MME: variants seen among roughly 807,000 people sequenced by gnomAD.
The protein encoded by MME is neprilysin.
MME carries 98 observed loss-of-function variants against 113.2 expected under a neutral mutation model. That is an observed-to-expected ratio of 0.87 (90% CI 0.74 to 1.02). The LOEUF is 1.02. Among genes scored for constraint, MME ranks in the 50% least tolerant of loss-of-function variants. MME has a pLI of 0.00. For missense variants in MME, 836 were observed against 896.0 expected (o/e 0.93, Z 0.86); for synonymous variants, 292 against 300.6 (o/e 0.97, Z 0.30).
At chr3:155,151,085 T>A (rs1320381085) in intron 16 of MME, among the ~76,000 whole-genome samples, 1 of 151,996 alleles carries the variant, frequency 6.6e-6, no homozygotes, top group African/African-American at 2.4e-5. Context: ...AAAAAAAAAA[T>A]GTAATAAAGT....
At chr3:155,147,318 A>G (rs1721597329) in intron 15 of MME, 94 bp downstream of exon 15, 1 of 789,538 alleles carries the variant, frequency 1.3e-6, no homozygotes, top group Admixed American at 1.8e-5. Flanking sequence ...TATATGAAGT[A>G]GCCTGAAACC....
At chr3:155,107,742 A>C (rs1717809047) in intron 3 of MME, among the ~76,000 whole-genome samples, 1 of 152,196 alleles carries the variant, frequency 6.6e-6, no homozygotes, top group Admixed American at 6.5e-5. Flanking sequence ...TGGTGAAAAA[A>C]CTTTGAGTCT....
intron 1 of MME, chr3:155,024,398 T>C (rs559707637): frequency 6.6e-6 from 1 of 152,364 alleles, no homozygotes; most frequent in Admixed American, 6.5e-5. Context: ...GAATCTTATC[T>C]ACACTGATAT....
intron 16 of MME, 31 bp from the exon 17 acceptor site, chr3:155,160,359 C>T (rs766696029): frequency 1.4e-6 from 2 of 1,454,980 alleles, no homozygotes; most frequent in Non-Finnish European, 1.9e-6. Flanking sequence ...AATGCAGTAT[C>T]ATTTGTAAAG....
intron 3 of MME, among the ~76,000 whole-genome samples, chr3:155,087,343 G>A (rs1244202326): frequency 1.3e-5 from 2 of 151,112 alleles, no homozygotes; most frequent in East Asian, 3.9e-4. Context: ...TGTGGGGAGC[G>A]TGAGGGAGAC....
chr3:155,040,203 T>C (rs1284947084), intron 1 of MME, among the ~76,000 whole-genome samples: 3 of 152,164 alleles, frequency 2.0e-5, no homozygotes, highest in African/African-American at 7.2e-5. Flanking sequence ...ACTCTTGACA[T>C]TTTATGGTCA....
In MME at chr3:155,180,462, T is replaced by A; in HGVS notation, c.*3T>A. On this transcript the variant is annotated 3_prime_UTR_variant, in exon 23 of 23. Transcript: ENST00000360490. ...AAAAGAAGTGCCGGGTTTGGTGATC[T>A]TCAAAAGAAGCATTGCAGCCCTTGG... 1 of 1,610,466 alleles carries A rather than the reference T, an allele frequency of 6.2e-7. No homozygotes were observed. The highest frequency in any genetic ancestry group is 8.5e-7 in the Non-Finnish European group (1 of 1,176,832).
chr3:155,133,062 A>AATATATATATATATATATATATATAT (rs1553762420), intron 8 of MME, among the ~76,000 whole-genome samples: 116 of 74,892 alleles, frequency 1.5e-3, no homozygotes, highest in Non-Finnish European at 2.1e-3. Context: ...AAAAAAAAAA[A>AATATATATATATATATATATATATAT]ATATATATAT....
At chr3:155,164,942 T>C (rs2108359393) in intron 17 of MME, among the ~76,000 whole-genome samples, 1 of 152,282 alleles carries the variant, frequency 6.6e-6, no homozygotes, top group East Asian at 1.9e-4. Context: ...TCTGTAAATA[T>C]CTAATATTTA....
chr3:155,088,174 T>C (rs1375729141), intron 3 of MME, among the ~76,000 whole-genome samples: 1 of 151,748 alleles, frequency 6.6e-6, no homozygotes, highest in Non-Finnish European at 1.5e-5. Flanking sequence ...CCCTCATGGA[T>C]ACACTCTGCA....
chr3:155,066,235 G>A (rs1484460600), intron 1 of MME, among the ~76,000 whole-genome samples: 1 of 152,214 alleles, frequency 6.6e-6, no homozygotes, highest in Non-Finnish European at 1.5e-5. Context: ...TTTAAAAAAT[G>A]TGTATGAGCT....
At chr3:155,094,892 C>T (rs186973128) in intron 3 of MME, among the ~76,000 whole-genome samples, 2 of 152,294 alleles carry the variant, frequency 1.3e-5, no homozygotes, top group East Asian at 3.9e-4. Context: ...ATGACTAGAT[C>T]CTTGGTATTC....
intron 16 of MME, among the ~76,000 whole-genome samples, chr3:155,159,631 T>G (rs2108349437): frequency 6.6e-6 from 1 of 152,134 alleles, no homozygotes; most frequent in Non-Finnish European, 1.5e-5. Context: ...TTTTCCATTT[T>G]TTCATTCAGC....
intron 4 of MME, among the ~76,000 whole-genome samples, chr3:155,115,507 C>T (rs140105881): frequency 0.018 from 2,738 of 152,266 alleles, 76 homozygotes; most frequent in African/African-American, 0.061. Flanking sequence ...CGGCTCACTG[C>T]AACTTCTGCC....
chr3:155,116,589 A>AATATATATAT (rs1295704524), intron 5 of MME, 30 bp downstream of exon 5: 4 of 1,047,874 alleles, frequency 3.8e-6, no homozygotes, highest in South Asian at 3.1e-5. Context: ...TTTCATTAGG[A>AATATATATAT]GTATATATAT....
chr3:155,088,896 G>C (rs1301335484), intron 3 of MME, among the ~76,000 whole-genome samples: 12 of 152,104 alleles, frequency 7.9e-5, no homozygotes. Flanking sequence ...TTCTTCCAGT[G>C]GAAGGGAATG....
chr3:155,158,877 C>A (rs1425855869), intron 16 of MME: 2 of 151,954 alleles, frequency 1.3e-5, no homozygotes, highest in Non-Finnish European at 2.9e-5. Flanking sequence ...CAGTCCCCCC[C>A]CATCCTGTTT....
At chr3:155,034,326 C>T (rs1287311487) in intron 1 of MME, among the ~76,000 whole-genome samples, 2 of 152,068 alleles carry the variant, frequency 1.3e-5, no homozygotes, top group Non-Finnish European at 2.9e-5. Context: ...ATTTATTTTC[C>T]CTCCAAGTAT....
intron 3 of MME, among the ~76,000 whole-genome samples, chr3:155,092,708 G>C (rs1559912390): frequency 6.6e-6 from 1 of 152,128 alleles, no homozygotes; most frequent in Non-Finnish European, 1.5e-5. Context: ...CAATGGTGTA[G>C]ATAAACATCA....
Sources: allele counts gnomAD v4.1 joint callset (sites outside exome capture counted in the v4.1 genomes callset), GRCh38; gene constraint gnomAD v4.1.1; transcripts MANE v1.5; gene names NCBI Gene and HGNC (gene_info 2026-07-23, HGNC 2026-07-21).